HDAC4: variants seen among roughly 807,000 people sequenced by gnomAD.
The protein encoded by HDAC4 is histone deacetylase A.
A neutral mutation model predicts 135.1 loss-of-function variants in HDAC4; 16 were observed. That is an observed-to-expected ratio of 0.12 (90% CI 0.08 to 0.18). The LOEUF (loss-of-function observed/expected upper bound fraction) is 0.18. Ranked by LOEUF, HDAC4 falls within the 10% of genes least tolerant of loss-of-function variation. The pLI, the probability that HDAC4 is intolerant of heterozygous loss-of-function variation, is 1.00. For synonymous variants in HDAC4, 685 were observed against 653.4 expected, an observed-to-expected ratio of 1.05 and a Z score of -0.74; for missense variants, 1,143 against 1,511.8, an observed-to-expected ratio of 0.76 and a Z score of 4.05.
At position 239,303,045 on chromosome 2, in the gene HDAC4, C is replaced by T. The variant is rs1044206324; in HGVS notation, c.22+49633G>A. Among the ~76,000 whole-genome samples, 1 of 152,198 alleles carries T rather than the reference C, an allele frequency of 6.6e-6. No individual in the cohort carries two copies. Among genetic ancestry groups the T allele is most frequent in the East Asian group, 1.9e-4 (1 of 5,176 alleles). On this transcript the variant is annotated intron_variant, in intron 2 of 26. Transcript: ENST00000543185. This position sits in a 1 kb window ranked among gnomAD's most constrained non-coding sequence, Gnocchi z 5.1. ...CTGCCACCTCGGGAGTCCTCAAACC[C>T]CCCCCGGGTGGGAGAGGTCATCACC...
intron 7 of HDAC4, among the ~76,000 whole-genome samples, chr2:239,148,086 G>T (rs2041879415): frequency 1.3e-5 from 2 of 152,230 alleles, no homozygotes; most frequent in South Asian, 4.1e-4. Flanking sequence ...AGCGAGGAAA[G>T]AACCCATTGA....
intron 2 of HDAC4, among the ~76,000 whole-genome samples, chr2:239,277,990 C>CCCAGCCACACACT (rs774381762): frequency 1.7e-4 from 25 of 147,638 alleles, no homozygotes; most frequent in African/African-American, 4.3e-4. Context: ...AGCCACACAC[C>CCCAGCCACACACT]CCAGCCACAC....
chr2:239,236,511 T>A, intron 3 of HDAC4, 82 bp downstream of exon 3: 2 of 1,146,416 alleles, frequency 1.7e-6, no homozygotes, highest in Non-Finnish European at 2.6e-6. Context: ...CTCTCTGCAC[T>A]CCTCCAATAA....
In HDAC4 at chr2:239,360,295, G is replaced by C. The variant is rs369235610; in HGVS notation, c.-219-7377C>G. Among the ~76,000 whole-genome samples, 119 of 152,330 alleles carry C rather than the reference G, an allele frequency of 7.8e-4. 1 individual carries two copies. The highest frequency in any genetic ancestry group is 1.2e-3 in the Non-Finnish European group (79 of 68,026). ...CCAGAGGGGGAAATAGGACAAGGCA[G>C]ACAGACGCCACAGACAGCCGCAAGG... On this transcript the variant is annotated intron_variant, in intron 1 of 26. Coordinates refer to ENST00000543185, the MANE Select transcript of HDAC4 (RefSeq NM_001378414.1).
chr2:239,095,084 A>G (rs2036889396), intron 16 of HDAC4, 28 bp from the exon 17 acceptor site: 1 of 1,613,482 alleles, frequency 6.2e-7, no homozygotes, highest in Non-Finnish European at 8.5e-7. Context: ...ACGGTCAGAG[A>G]GGCCAAGGGC....
rs2030234098 is a variant in HDAC4, at chr2:239,048,199, A to G, written c.*4898T>C. ...GGCAAGTAACGCAGTCTTTATTTAC[A>G]CCACAAGATAACACGTTGCGTGATG... On this transcript the variant is annotated 3_prime_UTR_variant, in exon 27 of 27. Transcript: ENST00000543185. The G allele has an allele frequency of 6.6e-6, 1 of 152,268 alleles. No individual in the cohort carries two copies. Among genetic ancestry groups the G allele is most frequent in the Non-Finnish European group, 1.5e-5 (1 of 68,072 alleles). The allele number at this position is 152,268 out of a possible 1,614,324, so 9.4% of individuals were successfully genotyped here. A position where few individuals can be genotyped will look rare whatever the true frequency, so the allele number is the denominator to read the frequency against.
In HDAC4 at chr2:239,236,718, T is replaced by C. The variant is rs115628722; in HGVS notation, c.23-54A>G. Reference sequence around the variant, plus strand: ...GAAACTGCGCGCATTTCAGCCAACATACTTTATGCTGGGAGTCTGCAGGGA... The same window carrying C: ...GAAACTGCGCGCATTTCAGCCAACACACTTTATGCTGGGAGTCTGCAGGGA... On this transcript the variant is annotated intron_variant, in intron 2 of 26. Transcript: ENST00000543185. 1.3e-3 allele frequency: 1,770 copies of C among 1,350,630 alleles called. 20 individuals carry two copies. In the African/African-American group the frequency reaches 0.023, roughly 18 times the overall value. 83.7% of individuals were successfully genotyped at this position (1,350,630 alleles called of 1,614,324 possible).
At position 239,367,811 on chromosome 2, in the gene HDAC4, T is replaced by C. The variant is rs758724997; in HGVS notation, c.-219-14893A>G. Among the ~76,000 whole-genome samples the C allele has an allele frequency of 3.8e-4, 58 of 151,968 alleles. 1 individual carries two copies. Among genetic ancestry groups the C allele is most frequent in the Non-Finnish European group, 4.3e-4 (29 of 67,960 alleles). ...CAACATGGTGAAACCCCATCTCTACTAAAAATACAAAAACTAGCCAGTCAT... is the reference window on the plus strand; with the variant it reads ...CAACATGGTGAAACCCCATCTCTACCAAAAATACAAAAACTAGCCAGTCAT... On this transcript the variant is annotated intron_variant, in intron 1 of 26. Transcript: ENST00000543185.
rs752236118 is a variant in HDAC4, at chr2:239,081,178, G to C, written c.2667C>G (p.Pro889=). 1.2e-5 allele frequency: 20 copies of C among 1,613,232 alleles called. No individual in the cohort carries two copies. Among genetic ancestry groups the C allele is most frequent in the Non-Finnish European group, 1.5e-5 (18 of 1,179,862 alleles). Residue 889 remains proline, a synonymous_variant, in exon 22 of 27, where the codon CCC becomes CCG. Coordinates refer to ENST00000543185, the MANE Select transcript of HDAC4 (RefSeq NM_001378414.1). ...CCATGTTGACGTTGAAACCCACGCC[G>C]GGCCCTGTGCCCACCTGTGGCCAGA... is the stretch of plus-strand genomic sequence containing the variant. ...SGAPDEVGTG[P]GVGFNVNMAF...
At chr2:239,103,985 A>G (rs1305755604) in intron 15 of HDAC4, among the ~76,000 whole-genome samples, 2 of 152,214 alleles carry the variant, frequency 1.3e-5, no homozygotes, top group African/African-American at 4.8e-5. Flanking sequence ...TTCTCTTCTC[A>G]TGAACAACAA....
At chr2:239,368,055 C>T (rs572146878) in intron 1 of HDAC4, among the ~76,000 whole-genome samples, 19 of 152,216 alleles carry the variant, frequency 1.2e-4, no homozygotes, top group South Asian at 2.1e-4. Flanking sequence ...ATTATGTATA[C>T]GCAAATACTT....
chr2:239,384,663 G>A (rs1695662163), intron 1 of HDAC4, among the ~76,000 whole-genome samples: 1 of 152,056 alleles, frequency 6.6e-6, no homozygotes, highest in South Asian at 2.1e-4. Context: ...AGGGAAAACT[G>A]CCCTGCATCC....
chr2:239,085,690 C>T lies in HDAC4; in HGVS notation c.2445-1448G>A, dbSNP rs1574964356. On this transcript the variant is annotated intron_variant, in intron 19 of 26. Coordinates refer to ENST00000543185, the MANE Select transcript of HDAC4 (RefSeq NM_001378414.1). ...CAAAGATTCCAACAAGCATCCCTCC[C>T]TGGCGGTTACAATCTCCTCCCTGTA... 2.0e-5 allele frequency: 3 copies of T among 152,412 alleles called. No homozygotes were observed. In the East Asian group the frequency reaches 5.8e-4, roughly 29 times the overall value. 9.4% of individuals were successfully genotyped at this position (152,412 alleles called of 1,614,324 possible).
At position 239,115,361 on chromosome 2, in the gene HDAC4, T is replaced by C. The variant is rs2152810559; in HGVS notation, c.1534-51A>G. ...GCACAGAGAGCTGGGTCCTCTGAGC[T>C]CATCTGACAGGAGAAGGGATGCTGC... is the stretch of plus-strand genomic sequence containing the variant. On this transcript the variant is annotated intron_variant, in intron 12 of 26. Coordinates refer to ENST00000543185, the MANE Select transcript of HDAC4 (RefSeq NM_001378414.1). This position sits in a 1 kb window ranked among gnomAD's most constrained non-coding sequence, Gnocchi z 6.3. 1 of 1,606,764 alleles carries C rather than the reference T, an allele frequency of 6.2e-7. No homozygotes were observed. Among genetic ancestry groups the C allele is most frequent in the Non-Finnish European group, 8.5e-7 (1 of 1,175,648 alleles).
intron 2 of HDAC4, among the ~76,000 whole-genome samples, chr2:239,345,155 C>A (rs1362807268): frequency 6.6e-6 from 1 of 152,168 alleles, no homozygotes; most frequent in Non-Finnish European, 1.5e-5. Flanking sequence ...TGAGCAAGGG[C>A]CATGCTCAGA....
chr2:239,158,595 GC>G (rs1227850396), intron 6 of HDAC4, among the ~76,000 whole-genome samples: 1 of 151,978 alleles, frequency 6.6e-6, no homozygotes, highest in Non-Finnish European at 1.5e-5. Context: ...GCTGGGCCCT[GC>G]CCCCCAACTG....
chr2:239,184,624 T>C (rs1245940663), intron 4 of HDAC4, among the ~76,000 whole-genome samples: 1 of 124,420 alleles, frequency 8.0e-6, no homozygotes, highest in Non-Finnish European at 1.7e-5. Context: ...GGCTGTGCCC[T>C]ATGATGGGGG....
chr2:239,280,631 C>T (rs1047320436), intron 2 of HDAC4, among the ~76,000 whole-genome samples: 1 of 152,138 alleles, frequency 6.6e-6, no homozygotes, highest in East Asian at 1.9e-4. Context: ...CTCTCTCCCG[C>T]GTGAGGAAGA....
At chr2:239,212,945 A>G (rs1247655301) in intron 3 of HDAC4, among the ~76,000 whole-genome samples, 2 of 152,198 alleles carry the variant, frequency 1.3e-5, no homozygotes, top group East Asian at 3.9e-4. Flanking sequence ...AATTTGAAAA[A>G]CAGAAAAGCA....
Sources: gnomAD v4.1 joint callset for allele counts (sites outside exome capture counted in the v4.1 genomes callset) on GRCh38, gnomAD v4.1.1 for gene constraint, Gnocchi (gnomAD v3.1) non-coding constraint, MANE v1.5 for transcripts, NCBI Gene and HGNC (gene_info 2026-07-23, HGNC 2026-07-21) for gene names.